Variants in SGCD observed in about 807,000 individuals in gnomAD.
SGCD encodes the protein sarcoglycan delta, also known as delta-sarcoglycan.
A neutral mutation model predicts 36.6 loss-of-function variants in SGCD; 18 were observed. The ratio of observed to expected loss-of-function variants is 0.49; its 90% CI spans 0.34 to 0.73. The LOEUF is 0.73. Among genes scored for constraint, SGCD ranks in the 30% least tolerant of loss-of-function variants. SGCD has a pLI of 0.01. For synonymous variants in SGCD, 133 were observed against 130.6 expected (o/e 1.02, Z -0.12); for missense variants, 387 against 346.7 (o/e 1.12, Z -0.92).
intron 7 of SGCD, among the ~76,000 whole-genome samples, chr5:156,668,679 T>G (rs1196955062): frequency 6.6e-6 from 1 of 152,110 alleles, no homozygotes; most frequent in East Asian, 1.9e-4. Flanking sequence ...AAGGGGAAAA[T>G]GAGGCAAGGA....
At chr5:156,729,486 A>G (rs908382111) in intron 7 of SGCD, among the ~76,000 whole-genome samples, 1 of 152,228 alleles carries the variant, frequency 6.6e-6, no homozygotes, top group Admixed American at 6.5e-5. Flanking sequence ...GATGGGATCT[A>G]TCTCTCAGGG....
Position 156,477,170 on chromosome 5 carries a change from T to C in SGCD, c.193-31431T>C, listed in dbSNP as rs534467606. Among the ~76,000 whole-genome samples the C allele has an allele frequency of 2.6e-5, 4 of 152,282 alleles. No individual in the cohort carries two copies. In the South Asian group the frequency reaches 8.3e-4, roughly 32 times the overall value. ...TCTGTTGTTATGTTTAAGGAATCCT[T>C]TAGTATTGTCGAGCCCCATTGAGTA... On this transcript the variant is annotated intron_variant, in intron 3 of 8. Coordinates refer to ENST00000337851, the MANE Select transcript of SGCD (RefSeq NM_000337.6).
intron 3 of SGCD, among the ~76,000 whole-genome samples, chr5:156,490,833 A>G (rs1453284254): frequency 1.3e-5 from 2 of 152,122 alleles, no homozygotes; most frequent in Non-Finnish European, 2.9e-5. Flanking sequence ...CTTATTCAAC[A>G]TAGTACTAGA....
chr5:155,991,512 A>G (rs967267484), intron 1 of SGCD, among the ~76,000 whole-genome samples: 4 of 152,248 alleles, frequency 2.6e-5, no homozygotes, highest in African/African-American at 4.8e-5. Flanking sequence ...TTTCACAGAT[A>G]TAACTCTAAG....
chr5:156,739,700 C>CAATAAATATAAAAGCTACTTTT (rs1756567871), intron 7 of SGCD: 1 of 152,132 alleles, frequency 6.6e-6, no homozygotes, highest in African/African-American at 2.4e-5. Flanking sequence ...TATTTCTACC[C>CAATAAATATAAAAGCTACTTTT]AATAAATATA....
At chr5:156,604,019 T>C (rs535429364) in intron 6 of SGCD, among the ~76,000 whole-genome samples, 30 of 152,176 alleles carry the variant, frequency 2.0e-4, no homozygotes, top group African/African-American at 7.0e-4. Context: ...ATTACTGTTT[T>C]GGAGTCAATC....
chr5:156,745,362 T>C (rs1756897507), intron 7 of SGCD, among the ~76,000 whole-genome samples: 1 of 152,204 alleles, frequency 6.6e-6, no homozygotes, highest in African/African-American at 2.4e-5. Flanking sequence ...GCTGAATTCA[T>C]ATCACCTGGA....
At chr5:156,410,654 C>T (rs777482282) in intron 3 of SGCD, among the ~76,000 whole-genome samples, 1 of 152,210 alleles carries the variant, frequency 6.6e-6, no homozygotes, top group Admixed American at 6.5e-5. Flanking sequence ...GGTATTATAG[C>T]AGCCCCCTGC....
intron 4 of SGCD, among the ~76,000 whole-genome samples, chr5:156,582,801 G>A (rs929302950): frequency 6.6e-6 from 1 of 151,958 alleles, no homozygotes; most frequent in African/African-American, 2.4e-5. Context: ...ACAGGTGCAT[G>A]CATGCACGCA....
intron 3 of SGCD, among the ~76,000 whole-genome samples, chr5:156,267,854 A>G (rs1404701458): frequency 6.6e-6 from 1 of 152,138 alleles, no homozygotes; most frequent in Non-Finnish European, 1.5e-5. Flanking sequence ...TTTAACTTTT[A>G]GGTTCAGAGG....
intron 1 of SGCD, among the ~76,000 whole-genome samples, chr5:155,929,460 C>T (rs1367102344): frequency 6.6e-6 from 1 of 152,144 alleles, no homozygotes; most frequent in Non-Finnish European, 1.5e-5. Flanking sequence ...TTCCAAATTC[C>T]CATTTTTTCC....
intron 1 of SGCD, among the ~76,000 whole-genome samples, chr5:156,035,909 T>G (rs1229819699): frequency 6.6e-6 from 1 of 152,146 alleles, no homozygotes; most frequent in Non-Finnish European, 1.5e-5. Context: ...ACAAGAAAAA[T>G]TGCAGAACTG....
intron 4 of SGCD, among the ~76,000 whole-genome samples, chr5:156,579,109 G>A (rs1020337391): frequency 6.6e-6 from 1 of 152,074 alleles, no homozygotes; most frequent in African/African-American, 2.4e-5. Flanking sequence ...CTGGTATGTT[G>A]TGTCTTTGTT....
chr5:156,271,001 T>C (rs1766161252), intron 3 of SGCD, among the ~76,000 whole-genome samples: 1 of 152,162 alleles, frequency 6.6e-6, no homozygotes, highest in African/African-American at 2.4e-5. Flanking sequence ...GCAAAAAAAC[T>C]TAAAGATGTC....
intron 3 of SGCD, among the ~76,000 whole-genome samples, chr5:156,215,431 C>T (rs1017914042): frequency 1.3e-5 from 2 of 152,018 alleles, no homozygotes; most frequent in Non-Finnish European, 2.9e-5. Context: ...AACCATACAT[C>T]TCATAAGGGA....
At chr5:156,180,577 A>G (rs115833929) in intron 3 of SGCD, among the ~76,000 whole-genome samples, 2,180 of 152,308 alleles carry the variant, frequency 0.014, 24 homozygotes, top group Non-Finnish European at 0.024. Flanking sequence ...TGGAGGGGCC[A>G]GGGGAAAGCT....
chr5:156,682,461 T>A (rs1169456755), intron 7 of SGCD, among the ~76,000 whole-genome samples: 1 of 152,162 alleles, frequency 6.6e-6, no homozygotes, highest in African/African-American at 2.4e-5. Context: ...CTAAGAGAAG[T>A]AATAAAACAC....
At chr5:156,374,147 T>C (rs998859964) in intron 3 of SGCD, among the ~76,000 whole-genome samples, 1 of 101,766 alleles carries the variant, frequency 9.8e-6, no homozygotes, top group South Asian at 5.5e-4. Context: ...ATGTTCAAAA[T>C]ACAAAAAAAA....
intron 7 of SGCD, among the ~76,000 whole-genome samples, chr5:156,696,780 G>A (rs1281238436): frequency 6.6e-6 from 1 of 152,128 alleles, no homozygotes; most frequent in Non-Finnish European, 1.5e-5. Context: ...AAAGTGCTGG[G>A]ATTACAGGTG....
Sources: allele counts gnomAD v4.1 joint callset (sites outside exome capture counted in the v4.1 genomes callset), GRCh38; gene constraint gnomAD v4.1.1; transcripts MANE v1.5; gene names NCBI Gene and HGNC (gene_info 2026-07-23, HGNC 2026-07-21).